The following ZMYND11 variants were observed in gnomAD, a reference collection of about 807,000 sequenced individuals.
ZMYND11 encodes zinc finger MYND-type containing 11, also known as zinc finger MYND domain-containing protein 11.
Under a neutral mutation model 84.9 loss-of-function variants are expected in ZMYND11, and 9 were observed. That is an observed-to-expected ratio of 0.11 (90% confidence interval 0.06 to 0.18). The LOEUF (loss-of-function observed/expected upper bound fraction) is 0.18. ZMYND11 is among the 10% of genes least tolerant of loss of function. The probability of loss-of-function intolerance (pLI) is 1.00; values close to 1 mark genes in which losing one functional copy is unlikely to be tolerated. For synonymous variants in ZMYND11, 250 were observed against 244.1 expected, an observed-to-expected ratio of 1.02 and a Z score of -0.23; for missense variants, 409 against 761.0, an observed-to-expected ratio of 0.54 and a Z score of 5.44.
chr10:138,554 C>T (rs1283395405), intron 1 of ZMYND11, among the ~76,000 whole-genome samples: 1 of 152,154 alleles, frequency 6.6e-6, no homozygotes, highest in Admixed American at 6.5e-5. Context: ...CATTCATACT[C>T]TTTGGCATAC....
At chr10:132,691 G>A (rs1405162017), upstream of ZMYND11, among the ~76,000 whole-genome samples, 3 of 152,168 alleles carry the variant, frequency 2.0e-5, no homozygotes, top group Admixed American at 6.5e-5. Context: ...TGTCAAATGA[G>A]TTTGAGCAAT....
chr10:138,680 G>A (rs1836734512), intron 1 of ZMYND11, among the ~76,000 whole-genome samples: 1 of 151,346 alleles, frequency 6.6e-6, no homozygotes, highest in Non-Finnish European at 1.5e-5. Context: ...CAGATTTTTG[G>A]TAACTTTCTT....
intron 4 of ZMYND11, among the ~76,000 whole-genome samples, chr10:231,377 AAAG>A (rs1328785445): frequency 3.3e-5 from 5 of 152,186 alleles, no homozygotes; most frequent in East Asian, 1.9e-4. Flanking sequence ...ATGTCTGAAA[AAAG>A]AAGTCTAGAT....
At chr10:231,353 C>G (rs962373986) in intron 4 of ZMYND11, among the ~76,000 whole-genome samples, 3 of 152,162 alleles carry the variant, frequency 2.0e-5, no homozygotes, top group Non-Finnish European at 4.4e-5. Flanking sequence ...TGAACTCTAG[C>G]TGCATAGATA....
chr10:197,911 A>G (rs1352043896), intron 2 of ZMYND11: 3 of 590,938 alleles, frequency 5.1e-6, no homozygotes, highest in East Asian at 3.0e-5. Flanking sequence ...TCAATTTCAG[A>G]TGTGAAACAA....
At position 252,235 on chromosome 10, in the gene ZMYND11, A is replaced by C. The variant is rs1352118670; in HGVS notation, c.1687-113A>C. 1 of 1,306,036 alleles carries C rather than the reference A, an allele frequency of 7.7e-7. No individual in the cohort carries two copies. Among genetic ancestry groups the C allele is most frequent in the East Asian group, 2.4e-5 (1 of 40,900 alleles). 80.9% of individuals were successfully genotyped at this position (1,306,036 alleles called of 1,614,324 possible). A position where few individuals can be genotyped will look rare whatever the true frequency, so the allele number is the denominator to read the frequency against. On this transcript the variant is annotated intron_variant, in intron 14 of 14. Transcript: ENST00000381604. The surrounding 1 kb of genome is among the most constrained non-coding windows in gnomAD (Gnocchi z 4.6). ...ATAAAACGTATTCAGATTCCACAAA[A>C]GGTTGAGCCAGAAAGATCTTTTAAA...
chr10:138,782 C>T lies in ZMYND11; in HGVS notation c.-20+3223C>T, dbSNP rs191305435. ...AAAAAAAAAGAGAAAATAGACTTAG[C>T]CTTATGATAGTTAAAACTTTTCACT... is the stretch of plus-strand genomic sequence containing the variant. On this transcript the variant is annotated intron_variant, in intron 1 of 14. Coordinates refer to ENST00000381604, the MANE Select transcript of ZMYND11 (RefSeq NM_001370100.5). Among the ~76,000 whole-genome samples, 495 of 151,574 alleles carry T rather than the reference C, an allele frequency of 3.3e-3. 5 individuals are homozygous for T. Among genetic ancestry groups the T allele is most frequent in the African/African-American group, 0.011 (450 of 41,424 alleles).
chr10:236,811 CTT>C, intron 4 of ZMYND11, 25 bp from the exon 5 acceptor site: 1 of 1,583,436 alleles, frequency 6.3e-7, no homozygotes, highest in South Asian at 1.1e-5. Context: ...GATTTTGTAC[CTT>C]TTTTTATTCT....
chr10:133,091 G>C (rs1554750307), upstream of ZMYND11, among the ~76,000 whole-genome samples: 1 of 152,164 alleles, frequency 6.6e-6, no homozygotes, highest in East Asian at 1.9e-4. Context: ...AAATCAAACT[G>C]TTTTAATGGC....
rs535485390 is a variant in ZMYND11, at chr10:171,386, CA to C, written c.-19-8607del. Among the ~76,000 whole-genome samples, 1,148 of 152,212 alleles carry C rather than the reference CA, an allele frequency of 7.5e-3. 14 individuals are homozygous for C. Among genetic ancestry groups the C allele is most frequent in the Non-Finnish European group, 8.2e-3 (556 of 67,992 alleles). ...ATCACACGTTCTTCTGAAGGTCACA[CA>C]GAACATTCACCAACATAGACCACAT... On this transcript the variant is annotated intron_variant, in intron 1 of 14. Coordinates refer to ENST00000381604, the MANE Select transcript of ZMYND11 (RefSeq NM_001370100.5).
At chr10:226,323 TAA>T (rs1235722057) in intron 4 of ZMYND11, among the ~76,000 whole-genome samples, 3 of 152,226 alleles carry the variant, frequency 2.0e-5, no homozygotes, top group Non-Finnish European at 4.4e-5. Context: ...TAATGCCTCA[TAA>T]AAAGTCTGTC....
At chr10:165,048 C>T (rs1000599115) in intron 1 of ZMYND11, among the ~76,000 whole-genome samples, 2 of 152,074 alleles carry the variant, frequency 1.3e-5, no homozygotes, top group African/African-American at 4.8e-5. Context: ...GGCTACTTTT[C>T]CATCTACCTC....
chr10:187,439 C>A (rs1403857519), intron 2 of ZMYND11, among the ~76,000 whole-genome samples: 1 of 151,770 alleles, frequency 6.6e-6, no homozygotes, highest in African/African-American at 2.4e-5. Context: ...TCGAGACCAT[C>A]TTGGCTAACA....
intron 1 of ZMYND11, among the ~76,000 whole-genome samples, chr10:151,116 A>G (rs1840232699): frequency 6.6e-6 from 1 of 152,198 alleles, no homozygotes; most frequent in Non-Finnish European, 1.5e-5. Flanking sequence ...AAAGATGGGG[A>G]AAAAACAGAG....
intron 3 of ZMYND11, among the ~76,000 whole-genome samples, chr10:213,712 GC>G (rs764187857): frequency 5.9e-5 from 9 of 152,082 alleles, no homozygotes; most frequent in Non-Finnish European, 1.0e-4. Context: ...CTTTGTATCA[GC>G]AAAGAGTCTG....
At chr10:160,195 A>C (rs1842647499) in intron 1 of ZMYND11, among the ~76,000 whole-genome samples, 1 of 152,268 alleles carries the variant, frequency 6.6e-6, no homozygotes, top group Non-Finnish European at 1.5e-5. Context: ...ATATCACAGC[A>C]AAGTGAGTTA....
chr10:206,630 T>C (rs1944224298), intron 2 of ZMYND11, among the ~76,000 whole-genome samples: 1 of 152,140 alleles, frequency 6.6e-6, no homozygotes, highest in Non-Finnish European at 1.5e-5. Flanking sequence ...TTTTATGATA[T>C]GCTTTTTCCC....
chr10:136,245 G>T (rs1224824319), intron 1 of ZMYND11, among the ~76,000 whole-genome samples: 2 of 152,148 alleles, frequency 1.3e-5, no homozygotes, highest in South Asian at 4.1e-4. Context: ...GACGAGGGGG[G>T]GCGCCGGGAC....
intron 2 of ZMYND11, among the ~76,000 whole-genome samples, chr10:207,165 T>C (rs369263227): frequency 1.3e-5 from 2 of 152,170 alleles, no homozygotes; most frequent in African/African-American, 2.4e-5. Context: ...AAAGGACATG[T>C]ACTCATCATT....
Sources: allele counts gnomAD v4.1 joint callset (sites outside exome capture counted in the v4.1 genomes callset), GRCh38; gene constraint gnomAD v4.1.1; non-coding constraint Gnocchi (gnomAD v3.1); transcripts MANE v1.5; gene names NCBI Gene and HGNC (gene_info 2026-07-23, HGNC 2026-07-21).